PANX1: variants seen among roughly 807,000 people sequenced by gnomAD.
PANX1 encodes pannexin-1.
PANX1 carries 30 observed loss-of-function variants against 38.7 expected under a neutral mutation model. That is an observed-to-expected ratio of 0.78 (90% CI 0.58 to 1.05). The LOEUF (loss-of-function observed/expected upper bound fraction) is 1.05, where lower values mean the gene tolerates loss of function less well. PANX1 is among the 50% of genes least tolerant of loss of function. The probability of loss-of-function intolerance (pLI) is 0.00; values close to 1 mark genes in which losing one functional copy is unlikely to be tolerated. For synonymous variants in PANX1, 230 were observed against 212.2 expected (o/e 1.08, Z -0.73); for missense variants, 551 against 517.2 (o/e 1.07, Z -0.63).
At chr11:94,175,677 T>G in intron 2 of PANX1, 1 of 879,802 alleles carries the variant, frequency 1.1e-6, no homozygotes, top group South Asian at 5.2e-5. Flanking sequence ...TGTCATGCAC[T>G]TATGTTTTTA....
intron 2 of PANX1, among the ~76,000 whole-genome samples, chr11:94,165,039 C>A (rs1260352440): frequency 6.6e-6 from 1 of 152,064 alleles, no homozygotes; most frequent in East Asian, 1.9e-4. Context: ...TATTTTTCAG[C>A]CCTTCATTTT....
At chr11:94,147,993 G>A (rs368769664) in intron 1 of PANX1, among the ~76,000 whole-genome samples, 2 of 152,152 alleles carry the variant, frequency 1.3e-5, no homozygotes, top group South Asian at 2.1e-4. Context: ...TAGCCCTGAT[G>A]TGTTCTCTTT....
chr11:94,134,635 TC>T (rs1479428856), intron 1 of PANX1, among the ~76,000 whole-genome samples: 1 of 133,758 alleles, frequency 7.5e-6, no homozygotes, highest in Non-Finnish European at 1.6e-5. Flanking sequence ...CCTCTTTCTC[TC>T]CCCCCTCCCT....
Position 94,129,231 on chromosome 11 carries a change from G to T in PANX1, c.-82G>T. The T allele has an allele frequency of 1.6e-6, 2 of 1,253,332 alleles. No homozygotes were observed. Among genetic ancestry groups the T allele is most frequent in the Non-Finnish European group, 1.1e-6 (1 of 906,148 alleles). 77.6% of individuals were successfully genotyped at this position (1,253,332 alleles called of 1,614,324 possible). A position where few individuals can be genotyped will look rare whatever the true frequency, so the allele number is the denominator to read the frequency against. On this transcript the variant is annotated 5_prime_UTR_variant, in exon 1 of 5. Coordinates refer to ENST00000227638, the MANE Select transcript of PANX1 (RefSeq NM_015368.4). ...GAAAGCGAAAGCCGCGCGCCCGGCC[G>T]GTGACTGGGTGAAGGCGCCGCGCAG...
At position 94,179,842 on chromosome 11, in the gene PANX1, G is replaced by C; in HGVS notation, c.786G>C (p.Gln262His). Reference sequence around the variant, plus strand: ...GAAACGACAGCACCGTGCCCGATCAGTTTCAGTGCAAACTCATTGCCGTGG... The same window carrying C: ...GAAACGACAGCACCGTGCCCGATCACTTTCAGTGCAAACTCATTGCCGTGG... ...ILRNDSTVPD[Q>H]FQCKLIAVGI... is the part of the protein sequence containing the mutation. Residue 262 changes from glutamine to histidine, a missense_variant, in exon 4 of 5, where the codon CAG becomes CAC. Transcript: ENST00000227638. 6.2e-7 allele frequency: 1 copy of C among 1,614,110 alleles called. No homozygotes were observed. The highest frequency in any genetic ancestry group is 8.5e-7 in the Non-Finnish European group (1 of 1,180,014).
intron 2 of PANX1, among the ~76,000 whole-genome samples, chr11:94,159,336 C>T (rs1946992521): frequency 6.6e-6 from 1 of 152,112 alleles, no homozygotes; most frequent in Admixed American, 6.5e-5. Flanking sequence ...GGTAACAGCT[C>T]CTCCTTGTAC....
In PANX1 at chr11:94,179,810, A is replaced by G. The variant is rs1227601570; in HGVS notation, c.754A>G (p.Ile252Val). ...DEFVCSIKSG[I>V]LRNDSTVPDQ... ...GTTTGTGTGCAGCATCAAATCAGGG[A>G]TCCTGAGAAACGACAGCACCGTGCC... The change falls in exon 4 of 5, where the codon ATC (isoleucine) becomes GTC (valine). Residue 252 changes from isoleucine (I) to valine (V), a missense_variant. Coordinates refer to ENST00000227638, the MANE Select transcript of PANX1 (RefSeq NM_015368.4). 1 of 1,614,026 alleles carries G rather than the reference A, an allele frequency of 6.2e-7. No individual in the cohort carries two copies. The highest frequency in any genetic ancestry group is 2.2e-5 in the East Asian group (1 of 44,878).
chr11:94,129,399 A>C lies in PANX1; in HGVS notation c.87A>C (p.Arg29=), dbSNP rs909852660. The C allele has an allele frequency of 2.5e-6, 4 of 1,614,022 alleles. No individual in the cohort carries two copies. Among genetic ancestry groups the C allele is most frequent in the Non-Finnish European group, 3.4e-6 (4 of 1,179,946 alleles). The stretch of plus-strand genomic sequence containing the variant: ...CGGAGCCCAAGTTCAAGGGGCTGCG[A>C]CTGGAGCTGGCTGTGGACAAGATGG... ...EPTEPKFKGL[R]LELAVDKMVT... The change falls in exon 1 of 5, where the codon CGA becomes CGC. Residue 29 remains arginine (R), a synonymous_variant. Transcript: ENST00000227638.
chr11:94,155,068 T>G (rs1946932583), intron 2 of PANX1, among the ~76,000 whole-genome samples: 1 of 151,894 alleles, frequency 6.6e-6, no homozygotes, highest in Non-Finnish European at 1.5e-5. Context: ...TAACCAGGCG[T>G]GGCTGGGTGC....
At chr11:94,159,896 TG>T (rs1196102850) in intron 2 of PANX1, among the ~76,000 whole-genome samples, 3 of 152,000 alleles carry the variant, frequency 2.0e-5, no homozygotes, top group Non-Finnish European at 2.9e-5. Context: ...TACACTGCTT[TG>T]AATGTGTCCC....
intron 2 of PANX1, among the ~76,000 whole-genome samples, chr11:94,173,112 A>G (rs1016144789): frequency 2.6e-5 from 4 of 151,804 alleles, no homozygotes; most frequent in Admixed American, 6.5e-5. Flanking sequence ...CCTGAACAGC[A>G]TATAGCCAGA....
chr11:94,180,280 G>A, intron 4 of PANX1, 23 bp downstream of exon 4: 4 of 1,542,000 alleles, frequency 2.6e-6, no homozygotes, highest in Non-Finnish European at 3.5e-6. Flanking sequence ...TTTGGCAGAG[G>A]CTACGGGAGT....
In PANX1 at chr11:94,136,671, G is replaced by A. The variant is rs188663003; in HGVS notation, c.181+7178G>A. 4.7e-3 allele frequency among the ~76,000 whole-genome samples: 714 copies of A among 152,226 alleles called. 4 individuals carry two copies. The highest frequency in any genetic ancestry group is 0.016 in the African/African-American group (660 of 41,538). ...TAGTCCCAGCTACTCAGGAGGCTGA[G>A]GCAGGAGAATGGCGTGAACCCGGGA... On this transcript the variant is annotated intron_variant, in intron 1 of 4. Transcript: ENST00000227638.
chr11:94,147,603 T>C (rs1946841927), intron 1 of PANX1, among the ~76,000 whole-genome samples: 1 of 152,232 alleles, frequency 6.6e-6, no homozygotes, highest in Admixed American at 6.5e-5. Flanking sequence ...TTCTCGTTTC[T>C]GTTGCTGCAC....
In PANX1 at chr11:94,134,490, C is replaced by T. The variant is rs74413543; in HGVS notation, c.181+4997C>T. Among the ~76,000 whole-genome samples the T allele has an allele frequency of 2.1e-3, 326 of 152,256 alleles. 3 individuals carry two copies. The highest frequency in any genetic ancestry group is 6.9e-3 in the African/African-American group (287 of 41,546). ...GGACTGAATGTTTGTGTCTCCCAAC[C>T]GCAAAATTCATATGTCGAAGTCCTG... On this transcript the variant is annotated intron_variant, in intron 1 of 4. Transcript: ENST00000227638.
chr11:94,161,909 C>T (rs530788336), intron 2 of PANX1, among the ~76,000 whole-genome samples: 39 of 152,260 alleles, frequency 2.6e-4, no homozygotes, highest in African/African-American at 8.7e-4. Flanking sequence ...TGTGGATGTC[C>T]TTTCTCTTTG....
intron 1 of PANX1, among the ~76,000 whole-genome samples, chr11:94,137,338 G>A (rs982615649): frequency 6.6e-6 from 1 of 152,120 alleles, no homozygotes; most frequent in Non-Finnish European, 1.5e-5. Flanking sequence ...CCTGAAAATA[G>A]GCCTTAGGAC....
intron 2 of PANX1, among the ~76,000 whole-genome samples, chr11:94,173,682 C>T (rs887907534): frequency 4.6e-5 from 7 of 151,654 alleles, no homozygotes; most frequent in African/African-American, 1.7e-4. Flanking sequence ...TGCCTCTCTG[C>T]CACAGTGACC....
At chr11:94,167,601 G>A (rs1947117791) in intron 2 of PANX1, among the ~76,000 whole-genome samples, 1 of 152,172 alleles carries the variant, frequency 6.6e-6, no homozygotes, top group South Asian at 2.1e-4. Flanking sequence ...GATCAACCAT[G>A]CATTTTAACT....
Sources: allele counts gnomAD v4.1 joint callset (sites outside exome capture counted in the v4.1 genomes callset), GRCh38; gene constraint gnomAD v4.1.1; transcripts MANE v1.5; gene names NCBI Gene and HGNC (gene_info 2026-07-23, HGNC 2026-07-21).